LINGO2: variants seen among roughly 807,000 people sequenced by gnomAD.
LINGO2 encodes leucine-rich repeat and immunoglobulin-like domain-containing nogo receptor-interacting protein 2.
A neutral mutation model predicts 30.6 loss-of-function variants in LINGO2; 14 were observed. The observed-to-expected ratio is 0.46, with a 90% confidence interval of 0.30 to 0.72. The LOEUF (loss-of-function observed/expected upper bound fraction) is 0.72. Ranked by LOEUF, LINGO2 falls within the 30% of genes least tolerant of loss-of-function variation. LINGO2 has a pLI of 0.07. For synonymous variants in LINGO2, 317 were observed against 288.5 expected (o/e 1.10, Z -1.00); for missense variants, 729 against 751.7 (o/e 0.97, Z 0.35).
At position 28,450,566 on chromosome 9, in the gene LINGO2, A is replaced by G. The variant is rs76513729; in HGVS notation, c.-279+25374T>C. 9.5e-3 allele frequency among the ~76,000 whole-genome samples: 1,443 copies of G among 152,102 alleles called. 22 individuals carry two copies. The highest frequency in any genetic ancestry group is 0.033 in the African/African-American group (1,360 of 41,528). On this transcript the variant is annotated intron_variant, in intron 2 of 5. Transcript: ENST00000379992. ...TAACTTTGAGGCTCAGAAAATGACC[A>G]AATAAAAATGGTACTTAAACACTGA...
At chr9:28,331,555 C>T (rs1564128111) in intron 3 of LINGO2, among the ~76,000 whole-genome samples, 1 of 152,148 alleles carries the variant, frequency 6.6e-6, no homozygotes. Context: ...ACCCAGGCTA[C>T]AGTGCAATGG....
At chr9:28,437,861 AATTTTTCATAT>A (rs1824016843) in intron 2 of LINGO2, among the ~76,000 whole-genome samples, 2 of 152,152 alleles carry the variant, frequency 1.3e-5, no homozygotes, top group Non-Finnish European at 2.9e-5. Context: ...TGCCAGGCAT[AATTTTTCATAT>A]CATTTTTAAC....
chr9:29,182,652 T>A, the LINGO2 span, among the ~76,000 whole-genome samples: 2 of 151,528 alleles, frequency 1.3e-5, no homozygotes, highest in Non-Finnish European at 2.9e-5. Flanking sequence ...ATTCCACCTG[T>A]TAGCCAAGGA....
intron 4 of LINGO2, among the ~76,000 whole-genome samples, chr9:28,195,641 C>A (rs887299484): frequency 1.3e-5 from 2 of 150,928 alleles, no homozygotes; most frequent in Admixed American, 6.6e-5. Context: ...AATAATATTA[C>A]CAGAACAGAT....
At chr9:28,716,706 A>G in the LINGO2 span, among the ~76,000 whole-genome samples, 1 of 152,118 alleles carries the variant, frequency 6.6e-6, no homozygotes, top group African/African-American at 2.4e-5. Flanking sequence ...ACAGAAAGAT[A>G]GATAGGTAGC....
chr9:29,028,384 T>G, the LINGO2 span, among the ~76,000 whole-genome samples: 1 of 131,730 alleles, frequency 7.6e-6, no homozygotes, highest in African/African-American at 3.0e-5. Flanking sequence ...ACTATCCATG[T>G]AGAAGACAGA....
chr9:28,417,443 G>A (rs1260255743), intron 2 of LINGO2, among the ~76,000 whole-genome samples: 3 of 152,072 alleles, frequency 2.0e-5, no homozygotes, highest in Non-Finnish European at 4.4e-5. Flanking sequence ...TGTGGCATTG[G>A]CCTGAATAAT....
the LINGO2 span, among the ~76,000 whole-genome samples, chr9:29,147,190 A>G: frequency 1.3e-5 from 2 of 152,142 alleles, no homozygotes; most frequent in African/African-American, 4.8e-5. Flanking sequence ...TATGAAAGAA[A>G]ATAAAAATAT....
the LINGO2 span, among the ~76,000 whole-genome samples, chr9:29,118,445 G>A: frequency 3.3e-5 from 5 of 152,258 alleles, no homozygotes; most frequent in Admixed American, 1.3e-4. Context: ...CAGAAGAGGA[G>A]GTCCCCAGTT....
intron 4 of LINGO2, among the ~76,000 whole-genome samples, chr9:28,124,542 T>C (rs909579836): frequency 2.6e-5 from 4 of 152,244 alleles, no homozygotes; most frequent in African/African-American, 4.8e-5. Context: ...TATGTTTATC[T>C]TGTTCTTTGT....
chr9:28,480,191 A>G (rs566687088), intron 1 of LINGO2, among the ~76,000 whole-genome samples: 6 of 151,690 alleles, frequency 4.0e-5, no homozygotes, highest in East Asian at 3.9e-4. Context: ...TATTTGCCCA[A>G]TGGGTTAGTA....
chr9:29,172,665 G>C, the LINGO2 span, among the ~76,000 whole-genome samples: 2 of 151,668 alleles, frequency 1.3e-5, no homozygotes, highest in East Asian at 3.9e-4. Flanking sequence ...TCAATTTAAT[G>C]ACAGAGAACA....
At chr9:28,181,711 T>A (rs893372613) in intron 4 of LINGO2, among the ~76,000 whole-genome samples, 3 of 152,170 alleles carry the variant, frequency 2.0e-5, no homozygotes, top group Non-Finnish European at 4.4e-5. Flanking sequence ...CAGGGTTCAT[T>A]CTCTTGTGTC....
intron 2 of LINGO2, among the ~76,000 whole-genome samples, chr9:28,459,914 T>C (rs1459932324): frequency 2.0e-5 from 3 of 152,136 alleles, no homozygotes; most frequent in Non-Finnish European, 4.4e-5. Context: ...ATAATGCATA[T>C]GTCCAATAAA....
At chr9:28,696,411 T>C in the LINGO2 span, among the ~76,000 whole-genome samples, 1 of 151,878 alleles carries the variant, frequency 6.6e-6, no homozygotes, top group Admixed American at 6.6e-5. Context: ...AATTTACTAA[T>C]GTGGAAGGGC....
chr9:28,906,529 A>G, the LINGO2 span, among the ~76,000 whole-genome samples: 1 of 151,970 alleles, frequency 6.6e-6, no homozygotes, highest in African/African-American at 2.4e-5. Flanking sequence ...CCTCATTCAC[A>G]TAATAAGGTT....
At chr9:28,374,475 C>G (rs1397470981) in intron 2 of LINGO2, among the ~76,000 whole-genome samples, 3 of 151,346 alleles carry the variant, frequency 2.0e-5, no homozygotes, top group Admixed American at 1.3e-4. Flanking sequence ...AAGCAAAAAC[C>G]AAACAAAACA....
chr9:28,238,097 T>C (rs971408575), intron 4 of LINGO2, among the ~76,000 whole-genome samples: 2 of 151,994 alleles, frequency 1.3e-5, no homozygotes, highest in East Asian at 3.9e-4. Flanking sequence ...TTTAAATATA[T>C]ATGCATCCAA....
At chr9:28,252,847 C>T (rs1822253325) in intron 4 of LINGO2, among the ~76,000 whole-genome samples, 1 of 151,964 alleles carries the variant, frequency 6.6e-6, no homozygotes, top group Non-Finnish European at 1.5e-5. Context: ...TATGCCTATA[C>T]AGTGGTTATC....
Sources: gnomAD v4.1 joint callset for allele counts (sites outside exome capture counted in the v4.1 genomes callset) on GRCh38, gnomAD v4.1.1 for gene constraint, MANE v1.5 for transcripts, NCBI Gene and HGNC (gene_info 2026-07-23, HGNC 2026-07-21) for gene names.